Variants in KTN1 observed in about 807,000 individuals in gnomAD.
KTN1 encodes the protein kinectin 1.
A neutral mutation model predicts 222.5 loss-of-function variants in KTN1; 130 were observed. The observed-to-expected ratio is 0.58, with a 90% confidence interval of 0.51 to 0.68. The LOEUF is 0.68. Ranked by LOEUF, KTN1 falls within the 30% of genes least tolerant of loss-of-function variation. The pLI is 0.00. For synonymous variants in KTN1, 512 were observed against 496.3 expected, an observed-to-expected ratio of 1.03 and a Z score of -0.42; for missense variants, 1,508 against 1,500.4, an observed-to-expected ratio of 1.01 and a Z score of -0.08.
chr14:55,625,490 A>C (rs1399230156), intron 5 of KTN1, among the ~76,000 whole-genome samples: 1 of 152,126 alleles, frequency 6.6e-6, no homozygotes. Context: ...TTCATTAATA[A>C]TAGTTTTTCT....
chr14:55,640,808 A>G lies in KTN1; in HGVS notation c.1984-125A>G, dbSNP rs1303974125. The G allele has an allele frequency of 4.0e-6, 3 of 748,024 alleles. No homozygotes were observed. The African/African-American group carries it at 5.3e-5, about 13-fold the overall frequency. The allele number at this position is 748,024 out of a possible 1,614,324, so 46.3% of individuals were successfully genotyped here. ...GAACAGCAAAACATGTTACAGAAAT[A>G]TACAGTATTGCTGTAACTTCAAATA... is the stretch of plus-strand genomic sequence containing the variant. On this transcript the variant is annotated intron_variant, in intron 15 of 43. Coordinates refer to ENST00000395314, the MANE Select transcript of KTN1 (RefSeq NM_001079521.2).
intron 1 of KTN1, among the ~76,000 whole-genome samples, chr14:55,586,643 T>C (rs17683656): frequency 0.08 from 12,161 of 152,168 alleles, 526 homozygotes; most frequent in South Asian, 0.12. Flanking sequence ...AGCTGTCTAA[T>C]GTTAGGCATT....
rs143972856 is a variant in KTN1 at position 55,608,363 on chromosome 14, A to G, written c.-30-3656A>G. On this transcript the variant is annotated intron_variant, in intron 1 of 43. Transcript: ENST00000395314. ...ATATTTTATGAATTTATCATAAACA[A>G]AGTTTAAAACTAGAGTATTAAGGCA... Among the ~76,000 whole-genome samples, 450 of 152,300 alleles carry G rather than the reference A, an allele frequency of 3.0e-3. 1 individual carries two copies. The highest frequency in any genetic ancestry group is 0.02 in the Middle Eastern group (6 of 294).
Position 55,641,868 on chromosome 14 carries a change from G to C in KTN1, c.2172+108G>C, listed in dbSNP as rs45599941. ...AATTGAGAAATTTTGCTTAAGCTTA[G>C]ATATGGCTGTTATTGCCTTTCTATT... On this transcript the variant is annotated intron_variant, in intron 18 of 43. Transcript: ENST00000395314. 3,761 of 738,652 alleles carry C rather than the reference G, an allele frequency of 5.1e-3. 21 individuals are homozygous for C. The highest frequency in any genetic ancestry group is 0.016 in the Middle Eastern group (42 of 2,606). The allele number at this position is 738,652 out of a possible 1,614,324, so 45.8% of individuals were successfully genotyped here.
chr14:55,647,153 G>A, intron 19 of KTN1, 146 bp downstream of exon 19: 1 of 598,242 alleles, frequency 1.7e-6, no homozygotes, highest in Non-Finnish European at 2.9e-6. Context: ...CCGTTTGTGG[G>A]TTTCACGTGT....
At chr14:55,621,087 G>A (rs1200860575) in intron 5 of KTN1, among the ~76,000 whole-genome samples, 1 of 152,110 alleles carries the variant, frequency 6.6e-6, no homozygotes, top group Admixed American at 6.5e-5. Flanking sequence ...TCTAGGACAG[G>A]TGCATAATGC....
Position 55,625,497 on chromosome 14 carries a change from TTC to T in KTN1, c.964-2413_964-2412del, listed in dbSNP as rs571874778. Reference sequence around the variant, plus strand: ...TCTCAACTTTCATTAATAATAGTTTTTCTGTTTGTCAGATACTTGTAATATTT... The same window carrying T: ...TCTCAACTTTCATTAATAATAGTTTTTGTTTGTCAGATACTTGTAATATTT... On this transcript the variant is annotated intron_variant, in intron 5 of 43. Transcript: ENST00000395314. 1.4e-3 allele frequency among the ~76,000 whole-genome samples: 220 copies of T among 152,316 alleles called. 1 individual carries two copies. The highest frequency in any genetic ancestry group is 5.1e-3 in the African/African-American group (214 of 41,578).
At chr14:55,608,275 G>A (rs572542247) in intron 1 of KTN1, among the ~76,000 whole-genome samples, 4 of 151,984 alleles carry the variant, frequency 2.6e-5, no homozygotes, top group African/African-American at 9.6e-5. Flanking sequence ...GTGAATTTGA[G>A]GTATATTTAT....
chr14:55,589,563 G>A (rs1196603338), intron 1 of KTN1, among the ~76,000 whole-genome samples: 1 of 151,820 alleles, frequency 6.6e-6, no homozygotes, highest in African/African-American at 2.4e-5. Flanking sequence ...ACCTGCCTTA[G>A]CCTCCCAAAG....
At chr14:55,649,430 TC>T (rs2042717576) in intron 21 of KTN1, among the ~76,000 whole-genome samples, 1 of 152,204 alleles carries the variant, frequency 6.6e-6, no homozygotes, top group Non-Finnish European at 1.5e-5. Context: ...ATAAAAAGGT[TC>T]TAAGTATACA....
chr14:55,666,184 G>C (rs1181899847), intron 33 of KTN1, among the ~76,000 whole-genome samples: 2 of 151,850 alleles, frequency 1.3e-5, no homozygotes, highest in Non-Finnish European at 2.9e-5. Context: ...TGTGTGTATG[G>C]AAAATGGCAA....
At chr14:55,592,303 T>C (rs1454138253) in intron 1 of KTN1, among the ~76,000 whole-genome samples, 5 of 152,252 alleles carry the variant, frequency 3.3e-5, no homozygotes, top group Non-Finnish European at 7.3e-5. Flanking sequence ...TTTCCAAGAT[T>C]TCCACTGCTT....
Position 55,683,934 on chromosome 14 carries a change from A to AT in KTN1, c.4070-160dup, listed in dbSNP as rs555587549. Among the ~76,000 whole-genome samples the AT allele has an allele frequency of 1.8e-3, 267 of 151,974 alleles. 2 individuals carry two copies. The highest frequency in any genetic ancestry group is 6.2e-3 in the African/African-American group (258 of 41,452). On this transcript the variant is annotated intron_variant, in intron 43 of 43. Transcript: ENST00000395314. The stretch of plus-strand genomic sequence containing the variant: ...AAGCTTGTTTCCTTTGAATCCTGAG[A>AT]TTTTTCTCAGTTTGATTACCATTAG...
intron 26 of KTN1, 22 bp from the exon 27 acceptor site, chr14:55,652,995 A>G (rs765591095): frequency 5.7e-6 from 9 of 1,589,566 alleles, no homozygotes; most frequent in Non-Finnish European, 7.8e-6. Flanking sequence ...TATCAATTTA[A>G]TTTACACCTA....
intron 1 of KTN1, among the ~76,000 whole-genome samples, chr14:55,611,352 T>C (rs2037548695): frequency 6.8e-6 from 1 of 147,540 alleles, no homozygotes; most frequent in African/African-American, 2.5e-5. Flanking sequence ...TCCGTCTGCC[T>C]CAGCCTCCTA....
At chr14:55,655,233 C>T (rs775597205) in intron 28 of KTN1, among the ~76,000 whole-genome samples, 4 of 152,212 alleles carry the variant, frequency 2.6e-5, no homozygotes, top group Non-Finnish European at 5.9e-5. Flanking sequence ...CCCACCTTGG[C>T]CTCCCAAAAT....
chr14:55,643,028 G>T (rs1422375271), intron 18 of KTN1, among the ~76,000 whole-genome samples: 1 of 151,796 alleles, frequency 6.6e-6, no homozygotes, highest in Non-Finnish European at 1.5e-5. Context: ...TCGTGCCTCA[G>T]TCTCCTGAGT....
chr14:55,641,668 G>C (rs892970851), intron 17 of KTN1, 24 bp from the exon 18 acceptor site: 1 of 1,448,382 alleles, frequency 6.9e-7, no homozygotes. Flanking sequence ...TAATAAAACA[G>C]TAAATTGAGA....
chr14:55,678,232 A>G, intron 41 of KTN1, 120 bp from the exon 42 acceptor site: 1 of 627,086 alleles, frequency 1.6e-6, no homozygotes, highest in Non-Finnish European at 2.8e-6. Flanking sequence ...TTTTGGAGGG[A>G]AAAACCTGTG....
Sources: gnomAD v4.1 joint callset for allele counts (sites outside exome capture counted in the v4.1 genomes callset) on GRCh38, gnomAD v4.1.1 for gene constraint, MANE v1.5 for transcripts, NCBI Gene and HGNC (gene_info 2026-07-23, HGNC 2026-07-21) for gene names.